SGCG: variants seen among roughly 807,000 people sequenced by gnomAD.
The protein encoded by SGCG is sarcoglycan gamma, also known as gamma-sarcoglycan.
Under a neutral mutation model 29.3 loss-of-function variants are expected in SGCG, and 26 were observed. The observed-to-expected ratio is 0.89, with a 90% CI of 0.65 to 1.23. The LOEUF (loss-of-function observed/expected upper bound fraction) is 1.23. SGCG is among the 50% of genes most tolerant of loss of function. The probability of loss-of-function intolerance (pLI) is 0.00; values close to 1 mark genes in which losing one functional copy is unlikely to be tolerated. For synonymous variants in SGCG, 145 were observed against 129.7 expected, an observed-to-expected ratio of 1.12 and a Z score of -0.80; for missense variants, 353 against 356.0, an observed-to-expected ratio of 0.99 and a Z score of 0.07.
intron 5 of SGCG, among the ~76,000 whole-genome samples, chr13:23,292,119 C>CTTTTTTTTTTTTTT (rs71100167): frequency 0.011 from 1,638 of 147,246 alleles, 29 homozygotes; most frequent in East Asian, 0.063. Flanking sequence ...ACATTTCTTT[C>CTTTTTTTTTTTTTT]TTTTTTTTGA....
intron 2 of SGCG, among the ~76,000 whole-genome samples, chr13:23,214,242 C>T (rs1459378270): frequency 6.6e-6 from 1 of 152,088 alleles, no homozygotes; most frequent in Non-Finnish European, 1.5e-5. Context: ...AAATTTCTTC[C>T]CTGCTATAAA....
chr13:23,190,450 A>G (rs904248947), intron 1 of SGCG, among the ~76,000 whole-genome samples: 4 of 152,174 alleles, frequency 2.6e-5, no homozygotes, highest in Admixed American at 6.5e-5. Context: ...TATGCTAAAC[A>G]TTATTCTGGG....
chr13:23,187,931 A>G (rs560612517), intron 1 of SGCG, among the ~76,000 whole-genome samples: 12 of 152,316 alleles, frequency 7.9e-5, no homozygotes, highest in African/African-American at 2.6e-4. Context: ...CTGGAGGCCT[A>G]TGCTGTGATT....
intron 2 of SGCG, 30 bp from the exon 3 acceptor site, chr13:23,234,581 T>C (rs1013669590): frequency 1.4e-6 from 2 of 1,402,366 alleles, no homozygotes; most frequent in African/African-American, 1.4e-5. Flanking sequence ...AATAAAAATA[T>C]ACGCATTGTC....
intron 4 of SGCG, among the ~76,000 whole-genome samples, chr13:23,266,704 G>T (rs1287093091): frequency 4.6e-5 from 7 of 152,102 alleles, no homozygotes; most frequent in Non-Finnish European, 8.8e-5. Flanking sequence ...TGAAATAAAA[G>T]AATAGTAAAT....
chr13:23,180,015 C>T (rs1318375454), upstream of SGCG, among the ~76,000 whole-genome samples: 1 of 152,040 alleles, frequency 6.6e-6, no homozygotes, highest in Non-Finnish European at 1.5e-5. Flanking sequence ...GTTTTCCGAA[C>T]CCCACCTTTC....
intron 7 of SGCG, among the ~76,000 whole-genome samples, chr13:23,323,452 A>G (rs1038372803): frequency 2.6e-5 from 4 of 152,198 alleles, no homozygotes; most frequent in South Asian, 2.1e-4. Flanking sequence ...AGAGCCACAT[A>G]ACATAAAGGA....
intron 2 of SGCG, among the ~76,000 whole-genome samples, chr13:23,210,842 T>C (rs985699594): frequency 4.6e-5 from 7 of 152,140 alleles, no homozygotes; most frequent in African/African-American, 7.2e-5. Context: ...CTAGCAGATA[T>C]CAGGATCCAT....
intron 6 of SGCG, among the ~76,000 whole-genome samples, chr13:23,299,456 A>T (rs75985502): frequency 0.83 from 34,457 of 41,626 alleles, 13,911 homozygotes; most frequent in East Asian, 0.95. Context: ...ATATATATAT[A>T]TTTTTTTTTT....
chr13:23,272,566 T>G (rs1019326367), intron 4 of SGCG, among the ~76,000 whole-genome samples: 2 of 152,194 alleles, frequency 1.3e-5, no homozygotes, highest in Non-Finnish European at 2.9e-5. Flanking sequence ...CTATTTAGAA[T>G]TTTTTGCATT....
At chr13:23,293,984 C>T (rs553545694) in intron 5 of SGCG, among the ~76,000 whole-genome samples, 1 of 152,142 alleles carries the variant, frequency 6.6e-6, no homozygotes, top group Non-Finnish European at 1.5e-5. Flanking sequence ...TAAAAATAAA[C>T]CTTGTAATTG....
intron 4 of SGCG, among the ~76,000 whole-genome samples, chr13:23,265,783 G>T (rs1201701539): frequency 6.6e-6 from 1 of 152,128 alleles, no homozygotes; most frequent in East Asian, 1.9e-4. Flanking sequence ...ATGTTGATAC[G>T]AATGTGGTGA....
At chr13:23,310,387 G>A (rs1183087158) in intron 6 of SGCG, among the ~76,000 whole-genome samples, 1 of 151,986 alleles carries the variant, frequency 6.6e-6, no homozygotes, top group Non-Finnish European at 1.5e-5. Context: ...CGCCGGGCCT[G>A]AATTCTTCCT....
intron 4 of SGCG, among the ~76,000 whole-genome samples, chr13:23,275,670 A>C (rs1038406401): frequency 6.6e-6 from 1 of 152,094 alleles, no homozygotes; most frequent in African/African-American, 2.4e-5. Context: ...ATTTTATTTC[A>C]TTTTATTTTA....
At chr13:23,286,679 C>T (rs1881509216) in intron 5 of SGCG, among the ~76,000 whole-genome samples, 1 of 129,326 alleles carries the variant, frequency 7.7e-6, no homozygotes, top group South Asian at 2.6e-4. Context: ...ACAACAATAG[C>T]TCATAATAAA....
At chr13:23,296,067 T>G (rs756563084) in intron 6 of SGCG, among the ~76,000 whole-genome samples, 2 of 152,268 alleles carry the variant, frequency 1.3e-5, no homozygotes, top group Non-Finnish European at 2.9e-5. Flanking sequence ...TACAGGTTTA[T>G]GATTCATATA....
At chr13:23,186,845 C>G (rs1291563219) in intron 1 of SGCG, among the ~76,000 whole-genome samples, 1 of 152,140 alleles carries the variant, frequency 6.6e-6, no homozygotes, top group Non-Finnish European at 1.5e-5. Flanking sequence ...GATTCCACAT[C>G]AGTGGATCAC....
intron 4 of SGCG, among the ~76,000 whole-genome samples, chr13:23,252,546 C>T (rs1185231594): frequency 6.6e-6 from 1 of 152,056 alleles, no homozygotes; most frequent in Admixed American, 6.6e-5. Context: ...TAAAAATTAG[C>T]CGGGCGTGGT....
chr13:23,299,456 A>ATATATTTTTTTTTTTTTTTT, intron 6 of SGCG, among the ~76,000 whole-genome samples: 1 of 41,542 alleles, frequency 2.4e-5, no homozygotes, highest in African/African-American at 7.7e-5. Flanking sequence ...ATATATATAT[A>ATATATTTTTTTTTTTTTTTT]TTTTTTTTTT....
Sources: allele counts gnomAD v4.1 joint callset (sites outside exome capture counted in the v4.1 genomes callset), GRCh38; gene constraint gnomAD v4.1.1; transcripts MANE v1.5; gene names NCBI Gene and HGNC (gene_info 2026-07-23, HGNC 2026-07-21).